RFTN2: variants seen among roughly 807,000 people sequenced by gnomAD.
The protein encoded by RFTN2 is raftlin family member 2, also known as raftlin-2.
A neutral mutation model predicts 52.7 loss-of-function variants in RFTN2; 34 were observed. The observed-to-expected ratio is 0.64, with a 90% CI of 0.49 to 0.86. The LOEUF is 0.86. RFTN2 is among the 40% of genes least tolerant of loss of function. The pLI is 0.00. For synonymous variants in RFTN2, 203 were observed against 217.7 expected, an observed-to-expected ratio of 0.93 and a Z score of 0.59; for missense variants, 536 against 600.1, an observed-to-expected ratio of 0.89 and a Z score of 1.12.
intron 5 of RFTN2, among the ~76,000 whole-genome samples, chr2:197,623,405 G>A (rs1242956820): frequency 1.3e-5 from 2 of 152,228 alleles, no homozygotes; most frequent in African/African-American, 4.8e-5. Context: ...CTAAATTGCT[G>A]CAATCTCGTA....
rs895768995 is a variant in RFTN2, at chr2:197,606,689, C to T, written c.1154+9187G>A. On this transcript the variant is annotated intron_variant, in intron 7 of 8. Coordinates refer to ENST00000295049, the MANE Select transcript of RFTN2 (RefSeq NM_144629.3). ...GCGAAGGATATGAACAGACACTTCT[C>T]AAAAGAAGACATTTATGCAGCCAAA... Among the ~76,000 whole-genome samples the T allele has an allele frequency of 4.0e-5, 6 of 151,506 alleles. No individual in the cohort carries two copies. The East Asian group carries it at 1.2e-3, about 29-fold the overall frequency.
intron 7 of RFTN2, among the ~76,000 whole-genome samples, chr2:197,614,895 GA>G (rs533307570): frequency 3.9e-5 from 6 of 152,342 alleles, no homozygotes; most frequent in Non-Finnish European, 7.3e-5. Flanking sequence ...CTCAATTTGA[GA>G]ACAGTTACTA....
At position 197,595,977 on chromosome 2, in the gene RFTN2, T is replaced by C. The variant is rs1317065350; in HGVS notation, c.1233+14A>G. 1 of 1,527,510 alleles carries C rather than the reference T, an allele frequency of 6.5e-7. No individual in the cohort carries two copies. The highest frequency in any genetic ancestry group is 1.7e-5 in the Admixed American group (1 of 59,180). The allele number at this position is 1,527,510 out of a possible 1,614,324, so 94.6% of individuals were successfully genotyped here. On this transcript the variant is annotated intron_variant, in intron 8 of 8. Coordinates refer to ENST00000295049, the MANE Select transcript of RFTN2 (RefSeq NM_144629.3). ...AATATAACATTCAGTTAATAAAGCA[T>C]CAATTTTACTCACATCTGGTGTTTG...
At chr2:197,575,676 G>A (rs2087398499) in intron 8 of RFTN2, among the ~76,000 whole-genome samples, 1 of 146,338 alleles carries the variant, frequency 6.8e-6, no homozygotes, top group East Asian at 2.0e-4. Context: ...GAAATGGGAG[G>A]ATTACTTGGG....
At chr2:197,617,730 C>G (rs553403319) in intron 6 of RFTN2, 70 bp downstream of exon 6, 5 of 632,880 alleles carry the variant, frequency 7.9e-6, no homozygotes, top group Non-Finnish European at 1.1e-5. Flanking sequence ...AAACCCAAAC[C>G]AAACATATAT....
intron 1 of RFTN2, among the ~76,000 whole-genome samples, chr2:197,669,178 C>T (rs529988067): frequency 6.6e-6 from 1 of 152,282 alleles, no homozygotes; most frequent in South Asian, 2.1e-4. Flanking sequence ...TGGTTATAGG[C>T]AGATATATGA....
At chr2:197,596,812 C>A (rs1417552208) in intron 7 of RFTN2, among the ~76,000 whole-genome samples, 2 of 152,196 alleles carry the variant, frequency 1.3e-5, no homozygotes, top group Non-Finnish European at 2.9e-5. Flanking sequence ...GGGACTTCAA[C>A]TATAGCTAGA....
intron 8 of RFTN2, among the ~76,000 whole-genome samples, chr2:197,573,905 G>A (rs1167390432): frequency 1.3e-5 from 2 of 152,226 alleles, no homozygotes; most frequent in South Asian, 2.1e-4. Context: ...ATGTTGTTTT[G>A]GGCCTGTGGG....
At chr2:197,590,251 T>C (rs942269461) in intron 8 of RFTN2, among the ~76,000 whole-genome samples, 2 of 152,146 alleles carry the variant, frequency 1.3e-5, no homozygotes, top group Non-Finnish European at 2.9e-5. Context: ...TTTTCTCCTA[T>C]GTTTTTTCCT....
chr2:197,580,857 G>T (rs2087494160), intron 8 of RFTN2, among the ~76,000 whole-genome samples: 1 of 152,066 alleles, frequency 6.6e-6, no homozygotes, highest in Non-Finnish European at 1.5e-5. Flanking sequence ...ATCCCCACCT[G>T]CCCAGTTCCC....
chr2:197,616,003 C>T, intron 6 of RFTN2, 24 bp from the exon 7 acceptor site: 1 of 1,407,900 alleles, frequency 7.1e-7, no homozygotes, highest in East Asian at 2.5e-5. Flanking sequence ...TATAAGAGCT[C>T]ATAGTCTAAT....
chr2:197,632,739 T>G (rs1010911575), intron 4 of RFTN2, among the ~76,000 whole-genome samples: 1 of 152,140 alleles, frequency 6.6e-6, no homozygotes, highest in Non-Finnish European at 1.5e-5. Context: ...CTCCCAGTTA[T>G]TTCTTCAGGA....
rs779160445 is a variant in RFTN2, at chr2:197,634,030, G to A, written c.439-33C>T. The A allele has an allele frequency of 9.0e-6, 14 of 1,553,102 alleles. No homozygotes were observed. In the Admixed American group the frequency reaches 1.1e-4, roughly 12 times the overall value. ...TTAAAAAGAGATGGCAGAACAAAAT[G>A]TAAACTCTATTTTCATTGATTACTT... On this transcript the variant is annotated intron_variant, in intron 3 of 8. Coordinates refer to ENST00000295049, the MANE Select transcript of RFTN2 (RefSeq NM_144629.3).
At chr2:197,582,112 G>C (rs189608893) in intron 8 of RFTN2, among the ~76,000 whole-genome samples, 56 of 152,332 alleles carry the variant, frequency 3.7e-4, no homozygotes, top group Non-Finnish European at 4.3e-4. Flanking sequence ...TTTTAGGCTG[G>C]CCATCATGTT....
chr2:197,609,899 G>C (rs2088027959), intron 7 of RFTN2, among the ~76,000 whole-genome samples: 1 of 152,140 alleles, frequency 6.6e-6, no homozygotes, highest in African/African-American at 2.4e-5. Flanking sequence ...GCTTGTTTTT[G>C]TCAGGTTGTT....
chr2:197,664,145 G>A (rs2089017918), intron 1 of RFTN2, among the ~76,000 whole-genome samples: 1 of 151,914 alleles, frequency 6.6e-6, no homozygotes, highest in East Asian at 1.9e-4. Context: ...ATTCCATTGT[G>A]GTCTGAGAAG....
chr2:197,599,012 C>A (rs1022598867), intron 7 of RFTN2, among the ~76,000 whole-genome samples: 4 of 151,502 alleles, frequency 2.6e-5, no homozygotes, highest in African/African-American at 7.3e-5. Flanking sequence ...AGTGCAGTGG[C>A]ACGACCTCGG....
chr2:197,605,825 A>G (rs1428192789), intron 7 of RFTN2, among the ~76,000 whole-genome samples: 3 of 152,100 alleles, frequency 2.0e-5, no homozygotes, highest in Non-Finnish European at 4.4e-5. Flanking sequence ...AGTTAGCCCT[A>G]TCTGCCACAA....
At chr2:197,617,341 A>G (rs922679107) in intron 6 of RFTN2, among the ~76,000 whole-genome samples, 22 of 152,352 alleles carry the variant, frequency 1.4e-4, no homozygotes, top group African/African-American at 5.3e-4. Context: ...CACTGGATAA[A>G]GCAAATTACC....
Sources: gnomAD v4.1 joint callset for allele counts (sites outside exome capture counted in the v4.1 genomes callset) on GRCh38, gnomAD v4.1.1 for gene constraint, MANE v1.5 for transcripts, NCBI Gene and HGNC (gene_info 2026-07-23, HGNC 2026-07-21) for gene names.